Variants in LPIN2 observed in about 807,000 individuals in gnomAD.
The protein encoded by LPIN2 is phosphatidate phosphatase LPIN2.
In LPIN2, 55 loss-of-function variants were observed where a neutral mutation model predicts 111.4. The observed-to-expected ratio is 0.49, with a 90% confidence interval of 0.40 to 0.62. The LOEUF is 0.62. LPIN2 is among the 20% of genes least tolerant of loss of function. The pLI is 0.00. For missense variants in LPIN2, 992 were observed against 1,112.1 expected, an observed-to-expected ratio of 0.89 and a Z score of 1.54; for synonymous variants, 425 against 414.0, an observed-to-expected ratio of 1.03 and a Z score of -0.32.
chr18:2,982,590 G>A (rs2078127740), intron 1 of LPIN2: 1 of 513,330 alleles, frequency 1.9e-6, no homozygotes, highest in Non-Finnish European at 3.4e-6. Context: ...TTTGGTGGAT[G>A]CCATCCCCTT....
chr18:2,921,461 T>A, intron 18 of LPIN2, 72 bp downstream of exon 18: 4 of 1,140,938 alleles, frequency 3.5e-6, no homozygotes, highest in Non-Finnish European at 5.3e-6. Flanking sequence ...AATTGGGACG[T>A]GGCTACACCC....
chr18:2,960,528 G>C, intron 2 of LPIN2, 121 bp downstream of exon 2: 1 of 898,284 alleles, frequency 1.1e-6, no homozygotes, highest in Non-Finnish European at 1.8e-6. Flanking sequence ...AAAAAAAAAA[G>C]GCCTAGAAAA....
intron 4 of LPIN2, among the ~76,000 whole-genome samples, chr18:2,950,070 C>T (rs1467023929): frequency 1.3e-5 from 2 of 152,166 alleles, no homozygotes; most frequent in African/African-American, 4.8e-5. Flanking sequence ...CACTGCACTC[C>T]AGCCTGGGCA....
chr18:2,920,844 C>T lies in LPIN2; in HGVS notation c.2480G>A (p.Cys827Tyr), dbSNP rs2077042841. 6.2e-7 allele frequency: 1 copy of T among 1,614,140 alleles called. No individual in the cohort carries two copies. Among genetic ancestry groups the T allele is most frequent in the Non-Finnish European group, 8.5e-7 (1 of 1,179,994 alleles). ...YAYTQVGVPD[C>Y]RIFTVNPKGE... Reference sequence around the variant, plus strand: ...CTTGGGGTTCACGGTGAATATTCTACAGTCTGGAACTCCAACTTGTGTGTA... The same window carrying T: ...CTTGGGGTTCACGGTGAATATTCTATAGTCTGGAACTCCAACTTGTGTGTA... Residue 827 changes from cysteine (C) to tyrosine (Y), a missense_variant, in exon 19 of 20, where the codon TGT becomes TAT. Transcript: ENST00000677752.
intron 1 of LPIN2, chr18:3,011,745 G>A (rs59096963): frequency 6.6e-6 from 1 of 152,336 alleles, no homozygotes; most frequent in African/African-American, 2.4e-5. Flanking sequence ...TAATTGGAGG[G>A]AAGAGCCGAT....
At chr18:3,001,826 G>T (rs1022649917) in intron 1 of LPIN2, among the ~76,000 whole-genome samples, 3 of 152,010 alleles carry the variant, frequency 2.0e-5, no homozygotes, top group Admixed American at 1.3e-4. Flanking sequence ...AAGATAAATA[G>T]AACTATTATG....
rs1446744664 is a variant in LPIN2 at position 2,917,878 on chromosome 18, GCCGTCAC to G, written c.*2408_*2414del. The G allele has an allele frequency of 2.6e-5, 4 of 152,158 alleles. No homozygotes were observed. Among genetic ancestry groups the G allele is most frequent in the Non-Finnish European group, 5.9e-5 (4 of 68,038 alleles). The allele number at this position is 152,158 out of a possible 1,614,324, so 9.4% of individuals were successfully genotyped here. A position where few individuals can be genotyped will look rare whatever the true frequency, so the allele number is the denominator to read the frequency against. On this transcript the variant is annotated 3_prime_UTR_variant, in exon 20 of 20. Transcript: ENST00000677752. ...CCCAATCTGCCTGCCATCTCCCTGA[GCCGTCAC>G]CCGTCACTGAAGATAGCGCGAGGGT...
intron 1 of LPIN2, among the ~76,000 whole-genome samples, chr18:3,002,108 A>G (rs1229893931): frequency 6.6e-6 from 1 of 152,134 alleles, no homozygotes; most frequent in Non-Finnish European, 1.5e-5. Context: ...GATGTCCTAA[A>G]ACAAAAGTCC....
Position 2,923,980 on chromosome 18 carries a change from AT to A in LPIN2, c.2088-120del. On this transcript the variant is annotated intron_variant, in intron 15 of 19. Coordinates refer to ENST00000677752, the MANE Select transcript of LPIN2 (RefSeq NM_001375808.2). ...GGTGGCGGGACACTCTTGAAAGGGG[AT>A]TTAATCACAGCTTCAAGCAACTGCA... 3 of 819,922 alleles carry A rather than the reference AT, an allele frequency of 3.7e-6. No homozygotes were observed. The South Asian group carries it at 4.2e-5, about 11-fold the overall frequency. 50.8% of individuals were successfully genotyped at this position (819,922 alleles called of 1,614,324 possible).
chr18:2,929,111 G>T lies in LPIN2; in HGVS notation c.1504C>A (p.Pro502Thr). Reference protein sequence around the residue: ...IITYHEFAENPGLIDNPNLVI... With the variant: ...IITYHEFAENTGLIDNPNLVI... ...AGGTTAGGATTGTCTATAAGTCCAG[G>T]GTTTTCTGCAAATTCGTGATAAGTA... is the stretch of plus-strand genomic sequence containing the variant. Residue 502 changes from proline to threonine, a missense_variant, in exon 10 of 20, where the codon CCT becomes ACT. Pro to Thr is a conservative substitution (Grantham distance 38). This residue lies in a region of LPIN2 where 709 missense variants were observed against 753.2 expected (regional missense o/e 0.94). Transcript: ENST00000677752. 2 of 1,607,588 alleles carry T rather than the reference G, an allele frequency of 1.2e-6. No homozygotes were observed. Among genetic ancestry groups the T allele is most frequent in the Non-Finnish European group, 1.7e-6 (2 of 1,174,440 alleles).
At chr18:2,978,255 A>G (rs1412891465) in intron 1 of LPIN2, among the ~76,000 whole-genome samples, 1 of 152,204 alleles carries the variant, frequency 6.6e-6, no homozygotes, top group Non-Finnish European at 1.5e-5. Flanking sequence ...GGATATTCTC[A>G]AAGTATTTTC....
At chr18:2,923,194 G>A (rs1389235805) in intron 16 of LPIN2, among the ~76,000 whole-genome samples, 1 of 151,992 alleles carries the variant, frequency 6.6e-6, no homozygotes, top group Non-Finnish European at 1.5e-5. Context: ...GCCGAGGCGG[G>A]GAGATCACCT....
At chr18:2,923,277 G>A (rs2077081884) in intron 16 of LPIN2, among the ~76,000 whole-genome samples, 1 of 151,942 alleles carries the variant, frequency 6.6e-6, no homozygotes, top group African/African-American at 2.4e-5. Context: ...AAAATTAGCT[G>A]GGCATGGTGG....
rs758731332 is a variant in LPIN2 at position 2,922,157 on chromosome 18, G to A, written c.2217C>T (p.Gly739=). The A allele has an allele frequency of 6.8e-6, 11 of 1,613,878 alleles. No homozygotes were observed. The highest frequency in any genetic ancestry group is 9.3e-6 in the Non-Finnish European group (11 of 1,180,028). The change falls in exon 17 of 20, where the codon GGC becomes GGT. Residue 739 remains glycine, a synonymous_variant. Coordinates refer to ENST00000677752, the MANE Select transcript of LPIN2 (RefSeq NM_001375808.2). ...KFLYCSARAI[G]MADMTRGYLH... is the part of the protein sequence containing the mutation. ...GGTAGCCACGGGTCATGTCGGCCAT[G>A]CCGATGGCACGAGCCGAGCAGTACA...
At chr18:3,001,999 C>T (rs1320685381) in intron 1 of LPIN2, among the ~76,000 whole-genome samples, 1 of 151,854 alleles carries the variant, frequency 6.6e-6, no homozygotes, top group Non-Finnish European at 1.5e-5. Flanking sequence ...ACCTATGGTC[C>T]ATCTGACCTG....
chr18:2,936,079 A>G (rs2077281585), intron 7 of LPIN2, among the ~76,000 whole-genome samples: 1 of 152,216 alleles, frequency 6.6e-6, no homozygotes. Flanking sequence ...CATTCGCTAG[A>G]TGGTTTTATC....
intron 1 of LPIN2, among the ~76,000 whole-genome samples, chr18:2,966,367 C>T (rs2077803933): frequency 1.3e-5 from 2 of 152,196 alleles, no homozygotes; most frequent in Admixed American, 1.3e-4. Flanking sequence ...AAACTTGTTA[C>T]ACGTCTCTCA....
At chr18:2,926,696 G>A (rs996500659) in intron 13 of LPIN2, 27 bp downstream of exon 13, 1 of 1,603,712 alleles carries the variant, frequency 6.2e-7, no homozygotes, top group Non-Finnish European at 8.5e-7. Context: ...TGAGTGCTAT[G>A]AGCCGGGCAG....
intron 2 of LPIN2, among the ~76,000 whole-genome samples, chr18:2,957,416 T>C (rs952520432): frequency 2.6e-5 from 4 of 152,192 alleles, no homozygotes; most frequent in Non-Finnish European, 5.9e-5. Context: ...GTAAGTATAG[T>C]GTAAATATTC....
Sources: allele counts gnomAD v4.1 joint callset (sites outside exome capture counted in the v4.1 genomes callset), GRCh38; gene constraint gnomAD v4.1.1; regional missense constraint gnomAD v4.1.1; transcripts MANE v1.5; gene names NCBI Gene and HGNC (gene_info 2026-07-23, HGNC 2026-07-21).